Variants in STXBP4 observed in about 807,000 individuals in gnomAD.
The protein encoded by STXBP4 is syntaxin-binding protein 4.
STXBP4 carries 55 observed loss-of-function variants against 76.1 expected under a neutral mutation model. The observed-to-expected ratio is 0.72, with a 90% confidence interval of 0.58 to 0.91. STXBP4 has a LOEUF of 0.91. STXBP4 is among the 40% of genes least tolerant of loss of function. STXBP4 has a pLI of 0.00. For missense variants in STXBP4, 618 were observed against 636.9 expected (o/e 0.97, Z 0.32); for synonymous variants, 201 against 220.2 (o/e 0.91, Z 0.77).
chr17:55,095,134 A>G (rs1270227455), intron 16 of STXBP4, among the ~76,000 whole-genome samples: 1 of 152,208 alleles, frequency 6.6e-6, no homozygotes, highest in African/African-American at 2.4e-5. Context: ...ATACCTTACT[A>G]CTAACATGGT....
chr17:55,064,840 T>G (rs1460263213), intron 12 of STXBP4, among the ~76,000 whole-genome samples: 2 of 152,210 alleles, frequency 1.3e-5, no homozygotes, highest in East Asian at 1.9e-4. Flanking sequence ...ACCTTTGTCT[T>G]TATGATTTTT....
intron 4 of STXBP4, among the ~76,000 whole-genome samples, chr17:54,992,933 G>A (rs1203280536): frequency 1.3e-5 from 2 of 151,886 alleles, no homozygotes; most frequent in African/African-American, 4.8e-5. Flanking sequence ...GGCTAGTCTC[G>A]AACTCCCAAC....
chr17:54,975,679 A>G (rs2144287441), intron 1 of STXBP4, among the ~76,000 whole-genome samples: 1 of 152,282 alleles, frequency 6.6e-6, no homozygotes, highest in East Asian at 1.9e-4. Flanking sequence ...AATATGATCA[A>G]AACTCCAAAC....
chr17:55,193,773 T>G, the STXBP4 span, among the ~76,000 whole-genome samples: 12 of 128,726 alleles, frequency 9.3e-5, no homozygotes, highest in Non-Finnish European at 1.6e-4. Context: ...TTCCTGGGCC[T>G]CCTCCTCTGC....
chr17:55,149,819 A>G (rs1328483760), intron 17 of STXBP4, among the ~76,000 whole-genome samples: 1 of 152,166 alleles, frequency 6.6e-6, no homozygotes, highest in African/African-American at 2.4e-5. Flanking sequence ...TGTGTGAGAA[A>G]TTGTCATGAA....
the STXBP4 span, among the ~76,000 whole-genome samples, chr17:55,192,426 AT>A: frequency 6.6e-6 from 1 of 152,188 alleles, no homozygotes; most frequent in East Asian, 1.9e-4. Context: ...GGACAATTGA[AT>A]GTGCTCAATT....
intron 8 of STXBP4, among the ~76,000 whole-genome samples, chr17:55,011,899 C>T (rs545595537): frequency 6.6e-6 from 1 of 152,266 alleles, no homozygotes; most frequent in South Asian, 2.1e-4. Flanking sequence ...GACGACCGCT[C>T]TAACTGCTTC....
At position 55,105,468 on chromosome 17, in the gene STXBP4, C is replaced by CTT. The variant is rs778376430; in HGVS notation, c.1489+24301_1489+24302dup. ...TTCTTAATCCTGAGTTCTTTCTTTT[C>CTT]TTTTTTTTTTTTTTTTTGAGATGGA... On this transcript the variant is annotated intron_variant, in intron 16 of 17. Transcript: ENST00000376352. 2.4e-3 allele frequency among the ~76,000 whole-genome samples: 257 copies of CTT among 108,082 alleles called. 6 individuals carry two copies. In the South Asian group the frequency reaches 0.058, roughly 24 times the overall value. The allele number at this position is 108,082 out of a possible 152,430, so 70.9% of individuals were successfully genotyped here.
intron 8 of STXBP4, among the ~76,000 whole-genome samples, chr17:55,018,023 C>T (rs2078238982): frequency 6.6e-6 from 1 of 152,160 alleles, no homozygotes; most frequent in South Asian, 2.1e-4. Flanking sequence ...GCTCCCAGGG[C>T]TCCCAGGATG....
At chr17:55,207,681 C>T in the STXBP4 span, among the ~76,000 whole-genome samples, 1 of 152,326 alleles carries the variant, frequency 6.6e-6, no homozygotes, top group East Asian at 1.9e-4. Context: ...TACGGGGACC[C>T]TTATCACCAA....
intron 6 of STXBP4, chr17:55,000,344 C>T (rs2077888892): frequency 2.6e-6 from 2 of 771,752 alleles, no homozygotes; most frequent in African/African-American, 3.8e-5. Flanking sequence ...TCAGAATTAA[C>T]ATACTCAATT....
downstream of STXBP4, among the ~76,000 whole-genome samples, chr17:55,177,329 C>T (rs954156544): frequency 6.6e-6 from 1 of 152,144 alleles, no homozygotes; most frequent in Non-Finnish European, 1.5e-5. Context: ...CCAAGTGTCT[C>T]AACCTCCCTA....
chr17:54,973,410 C>T (rs953545209), intron 1 of STXBP4, among the ~76,000 whole-genome samples: 1 of 152,060 alleles, frequency 6.6e-6, no homozygotes, highest in Non-Finnish European at 1.5e-5. Context: ...TGGTTAGATG[C>T]CTATTTGTAA....
At chr17:55,001,451 G>A (rs929318777) in intron 7 of STXBP4, among the ~76,000 whole-genome samples, 2 of 151,876 alleles carry the variant, frequency 1.3e-5, no homozygotes, top group African/African-American at 4.8e-5. Flanking sequence ...ATTTTTATGT[G>A]GCTATAAGGT....
chr17:55,033,326 A>G (rs541214891), intron 9 of STXBP4, among the ~76,000 whole-genome samples: 105 of 152,274 alleles, frequency 6.9e-4, no homozygotes, highest in African/African-American at 2.4e-3. Flanking sequence ...GTGAGCCAAG[A>G]TCGTGCCACT....
In STXBP4 at chr17:55,170,402, A is replaced by G. The variant is rs1430127473; in HGVS notation, c.*10491A>G. The stretch of plus-strand genomic sequence containing the variant: ...CAGATCTGTATACAATATAAAACCA[A>G]CAGTATTGTATATATAAACACCATA... On this transcript the variant is annotated 3_prime_UTR_variant, in exon 18 of 18. Transcript: ENST00000376352. 1 of 152,186 alleles carries G rather than the reference A, an allele frequency of 6.6e-6. No homozygotes were observed. Among genetic ancestry groups the G allele is most frequent in the African/African-American group, 2.4e-5 (1 of 41,452 alleles). The allele number at this position is 152,186 out of a possible 1,614,324, so 9.4% of individuals were successfully genotyped here. A position where few individuals can be genotyped will look rare whatever the true frequency, so the allele number is the denominator to read the frequency against.
At chr17:55,186,962 TTCAAA>T in the STXBP4 span, among the ~76,000 whole-genome samples, 11 of 152,216 alleles carry the variant, frequency 7.2e-5, no homozygotes, top group African/African-American at 2.7e-4. Context: ...GAGCTCACTC[TTCAAA>T]TCAAAAGGGA....
chr17:55,139,682 A>T (rs747860345), intron 16 of STXBP4, among the ~76,000 whole-genome samples: 2 of 152,156 alleles, frequency 1.3e-5, no homozygotes, highest in African/African-American at 2.4e-5. Flanking sequence ...GAGGAGACAT[A>T]TAGTGACAGT....
the STXBP4 span, among the ~76,000 whole-genome samples, chr17:55,185,299 CCTTCTCCTTCTCCTTCTCCTTCTCCTT>C: frequency 5.4e-4 from 64 of 118,732 alleles, 2 homozygotes; most frequent in African/African-American, 1.8e-3. Flanking sequence ...TTCTCCTTCT[CCTTCTCCTTCTCCTTCTCCTTCTCCTT>C]CTCCTCCTCC....
Sources: gnomAD v4.1 joint callset for allele counts (sites outside exome capture counted in the v4.1 genomes callset) on GRCh38, gnomAD v4.1.1 for gene constraint, MANE v1.5 for transcripts, NCBI Gene and HGNC (gene_info 2026-07-23, HGNC 2026-07-21) for gene names.